Variants in CDC14A observed in about 807,000 individuals in gnomAD.
CDC14A encodes dual specificity protein phosphatase CDC14A.
A neutral mutation model predicts 74.4 loss-of-function variants in CDC14A; 53 were observed. The observed-to-expected ratio is 0.71, with a 90% confidence interval of 0.57 to 0.89. CDC14A has a LOEUF of 0.89. Ranked by LOEUF, CDC14A falls within the 40% of genes least tolerant of loss-of-function variation. The pLI is 0.00. For synonymous variants in CDC14A, 247 were observed against 258.4 expected (o/e 0.96, Z 0.43); for missense variants, 646 against 713.7 (o/e 0.91, Z 1.08).
intron 10 of CDC14A, among the ~76,000 whole-genome samples, chr1:100,468,760 A>G (rs1369993741): frequency 6.6e-6 from 1 of 152,218 alleles, no homozygotes; most frequent in African/African-American, 2.4e-5. Flanking sequence ...TCTTCTTAGA[A>G]TGTTAGAATG....
At chr1:100,476,531 G>A (rs767159606) in intron 10 of CDC14A, among the ~76,000 whole-genome samples, 100 of 151,900 alleles carry the variant, frequency 6.6e-4, no homozygotes, top group Admixed American at 5.2e-4. Flanking sequence ...AGGAAAACTC[G>A]AGGAACTCAC....
At chr1:100,353,978 T>C (rs1346634489) in intron 2 of CDC14A, 126 bp downstream of exon 2, 3 of 654,126 alleles carry the variant, frequency 4.6e-6, no homozygotes, top group Non-Finnish European at 8.1e-6. Context: ...AATATCAATT[T>C]TTTAAGACTC....
At chr1:100,453,682 C>A (rs936579641) in intron 7 of CDC14A, among the ~76,000 whole-genome samples, 2 of 152,170 alleles carry the variant, frequency 1.3e-5, no homozygotes, top group Non-Finnish European at 2.9e-5. Flanking sequence ...CTCTGTGGCC[C>A]AAGCTGGAGT....
chr1:100,440,254 C>T (rs1299267955), intron 6 of CDC14A, among the ~76,000 whole-genome samples: 1 of 152,168 alleles, frequency 6.6e-6, no homozygotes, highest in Non-Finnish European at 1.5e-5. Context: ...CTATCAGCTG[C>T]AGTGCCTGTG....
At chr1:100,510,329 G>A (rs1254125843) in intron 15 of CDC14A, among the ~76,000 whole-genome samples, 2 of 152,190 alleles carry the variant, frequency 1.3e-5, no homozygotes, top group African/African-American at 4.8e-5. Context: ...GGGAAATCAA[G>A]ACTCAGAATG....
rs534713009 is a variant in CDC14A, at chr1:100,384,062, A to G, written c.216+6441A>G. 2.0e-5 allele frequency among the ~76,000 whole-genome samples: 3 copies of G among 152,098 alleles called. No individual in the cohort carries two copies. The South Asian group carries it at 6.2e-4, about 32-fold the overall frequency. On this transcript the variant is annotated intron_variant, in intron 3 of 15. Coordinates refer to ENST00000336454, the MANE Select transcript of CDC14A (RefSeq NM_003672.4). ...TTTGTTATTTGTGCAGCTTGTCATT[A>G]TTTTTTTCTCTCTCCAAGTTGCTGT...
At chr1:100,386,756 G>A (rs1415881979) in intron 3 of CDC14A, among the ~76,000 whole-genome samples, 1 of 152,172 alleles carries the variant, frequency 6.6e-6, no homozygotes, top group Non-Finnish European at 1.5e-5. Context: ...CCTGATATTA[G>A]GGCAGAATCT....
chr1:100,423,081 A>G (rs1662553674), intron 4 of CDC14A, among the ~76,000 whole-genome samples: 1 of 152,334 alleles, frequency 6.6e-6, no homozygotes, highest in African/African-American at 2.4e-5. Context: ...GACCAAGACC[A>G]TCGGCTCAGA....
At position 100,402,138 on chromosome 1, in the gene CDC14A, GA is replaced by G. The variant is rs34408247; in HGVS notation, c.309+11327del. Among the ~76,000 whole-genome samples the G allele has an allele frequency of 9.6e-3, 1,358 of 141,596 alleles. 6 individuals are homozygous for G. Among genetic ancestry groups the G allele is most frequent in the African/African-American group, 0.021 (814 of 38,886 alleles). The allele number at this position is 141,596 out of a possible 152,430, so 92.9% of individuals were successfully genotyped here. On this transcript the variant is annotated intron_variant, in intron 4 of 15. Transcript: ENST00000336454. The stretch of plus-strand genomic sequence containing the variant: ...ATTTTTAGCTGCATGCATTCATTAT[GA>G]AAAAAAAAAAAATCGGAAAGGAGGT...
At chr1:100,517,071 T>C (rs2101490874) in intron 15 of CDC14A, among the ~76,000 whole-genome samples, 1 of 152,372 alleles carries the variant, frequency 6.6e-6, no homozygotes, top group South Asian at 2.1e-4. Context: ...GTTATGACAT[T>C]GTGGCTTTCG....
intron 2 of CDC14A, among the ~76,000 whole-genome samples, chr1:100,367,878 C>T (rs115431299): frequency 0.015 from 2,319 of 152,244 alleles, 62 homozygotes; most frequent in African/African-American, 0.053. Flanking sequence ...TTCATTGTTG[C>T]TATCTTTGGA....
In CDC14A at chr1:100,393,047, G is replaced by A. The variant is rs41440451; in HGVS notation, c.309+2223G>A. 0.014 allele frequency: 19,619 copies of A among 1,395,026 alleles called. 1,172 individuals carry two copies. The Admixed American group carries it at 0.15, about 10-fold the overall frequency. 86.4% of individuals were successfully genotyped at this position (1,395,026 alleles called of 1,614,324 possible). A position where few individuals can be genotyped will look rare whatever the true frequency, so the allele number is the denominator to read the frequency against. ...AAATTGTCTTTTCAGAAGTCTTGCC[G>A]GATGTTTTCTTTGTTTGCCTTTCCA... On this transcript the variant is annotated intron_variant, in intron 4 of 15. Transcript: ENST00000336454.
chr1:100,419,046 T>C (rs1328019765), intron 4 of CDC14A, among the ~76,000 whole-genome samples: 2 of 151,940 alleles, frequency 1.3e-5, no homozygotes, highest in Non-Finnish European at 2.9e-5. Context: ...AGTAGCTGAA[T>C]GTGGTGGTGT....
At chr1:100,351,973 AGTGTGTGTGTGTGTGT>A (rs35169146), upstream of CDC14A, among the ~76,000 whole-genome samples, 3 of 146,068 alleles carry the variant, frequency 2.1e-5, no homozygotes, top group South Asian at 2.2e-4. Context: ...GGTTTTTACG[AGTGTGTGTGTGTGTGT>A]GTGTGTGTGT....
In CDC14A at chr1:100,494,852, A is replaced by G. The variant is rs1388553859; in HGVS notation, c.1172A>G (p.Asn391Ser). 6.2e-7 allele frequency: 1 copy of G among 1,612,892 alleles called. No homozygotes were observed. The highest frequency in any genetic ancestry group is 8.5e-7 in the Non-Finnish European group (1 of 1,178,996). ...GAAGATGATGATGTGGAAATGAAAA[A>G]TGGTATAACCCAGGGAGACAAACTA... is the stretch of plus-strand genomic sequence containing the variant. ...NLEDDDVEMK[N>S]GITQGDKLRA... Residue 391 changes from asparagine to serine, a missense_variant, in exon 12 of 16, where the codon AAT (asparagine) becomes AGT (serine). Transcript: ENST00000336454.
At chr1:100,496,401 C>G (rs1395139645) in intron 13 of CDC14A, among the ~76,000 whole-genome samples, 1 of 151,998 alleles carries the variant, frequency 6.6e-6, no homozygotes, top group Non-Finnish European at 1.5e-5. Context: ...TTTTATTGGT[C>G]CTCTTTCTAT....
intron 3 of CDC14A, among the ~76,000 whole-genome samples, chr1:100,390,088 G>A (rs1657471909): frequency 6.6e-6 from 1 of 152,124 alleles, no homozygotes; most frequent in Non-Finnish European, 1.5e-5. Context: ...GCAGCATATT[G>A]CCTGGCATAT....
At chr1:100,398,552 T>C (rs561039681) in intron 4 of CDC14A, among the ~76,000 whole-genome samples, 1 of 152,292 alleles carries the variant, frequency 6.6e-6, no homozygotes, top group East Asian at 1.9e-4. Context: ...AGTCAGGTAT[T>C]CATTAGTTCA....
intron 2 of CDC14A, chr1:100,363,123 T>G (rs1653002661): frequency 6.6e-6 from 1 of 152,194 alleles, no homozygotes; most frequent in Non-Finnish European, 1.5e-5. Context: ...ATTATGCAAA[T>G]GGACTTTCCA....
Sources: gnomAD v4.1 joint callset for allele counts (sites outside exome capture counted in the v4.1 genomes callset) on GRCh38, gnomAD v4.1.1 for gene constraint, MANE v1.5 for transcripts, NCBI Gene and HGNC (gene_info 2026-07-23, HGNC 2026-07-21) for gene names.